Variants in GUCY2D observed in about 807,000 individuals in gnomAD.
GUCY2D encodes guanylate cyclase 2D, retinal, also known as retinal guanylyl cyclase 1.
Under a neutral mutation model 101.3 loss-of-function variants are expected in GUCY2D, and 70 were observed. The ratio of observed to expected loss-of-function variants is 0.69; its 90% CI spans 0.57 to 0.84. GUCY2D has a LOEUF of 0.84. Among genes scored for constraint, GUCY2D ranks in the 40% least tolerant of loss-of-function variants. GUCY2D has a pLI of 0.00. For synonymous variants in GUCY2D, 688 were observed against 670.7 expected, an observed-to-expected ratio of 1.03 and a Z score of -0.40; for missense variants, 1,460 against 1,542.5, an observed-to-expected ratio of 0.95 and a Z score of 0.90.
chr17:8,012,092 C>T, intron 8 of GUCY2D, 52 bp from the exon 9 acceptor site: 1 of 1,281,522 alleles, frequency 7.8e-7, no homozygotes, highest in South Asian at 1.2e-5. Context: ...TTAACAGCCC[C>T]TTCCCCACAT....
At chr17:8,008,988 G>C (rs1306818597) in intron 7 of GUCY2D, among the ~76,000 whole-genome samples, 1 of 152,208 alleles carries the variant, frequency 6.6e-6, no homozygotes, top group Non-Finnish European at 1.5e-5. Context: ...ATGGCAGGAG[G>C]TCATTGAACC....
intron 7 of GUCY2D, among the ~76,000 whole-genome samples, chr17:8,008,372 G>T (rs1467800301): frequency 6.6e-6 from 1 of 152,164 alleles, no homozygotes; most frequent in African/African-American, 2.4e-5. Flanking sequence ...GACCATCTCC[G>T]GCCTGGTCAG....
Position 8,004,129 on chromosome 17 carries a change from G to A in GUCY2D, c.999G>A (p.Glu333=), listed in dbSNP as rs779241028. The A allele has an allele frequency of 6.3e-6, 10 of 1,596,506 alleles. No individual in the cohort carries two copies. The East Asian group carries it at 2.0e-4, about 32-fold the overall frequency. ...DSLRRAQERR[E]LPSDLNLQQV... ...TGCGCAGGGCTCAAGAGCGCCGCGA[G>A]CTGCCCTCTGACCTCAATCTGCAGC... is the stretch of plus-strand genomic sequence containing the variant. Residue 333 remains glutamate (E), a synonymous_variant, in exon 3 of 20, where the codon GAG becomes GAA. Coordinates refer to ENST00000254854, the MANE Select transcript of GUCY2D (RefSeq NM_000180.4).
chr17:8,013,967 T>G lies in GUCY2D; in HGVS notation c.2351T>G (p.Met784Arg), dbSNP rs375010731. The G allele has an allele frequency of 6.2e-7, 1 of 1,613,850 alleles. No individual in the cohort carries two copies. The highest frequency in any genetic ancestry group is 2.2e-5 in the East Asian group (1 of 44,878). The change falls in exon 12 of 20, where the codon ATG (methionine) becomes AGG (arginine). Residue 784 changes from methionine to arginine, a missense_variant. Coordinates refer to ENST00000254854, the MANE Select transcript of GUCY2D (RefSeq NM_000180.4). The surrounding 1 kb of genome is among the most constrained non-coding windows in gnomAD (Gnocchi z 5.0). ...GCACCTGTCGAGTGTATCCTCCTGA[T>G]GAAGCAGTGCTGGGCAGAGCAGCCG... ...DQAPVECILL[M>R]KQCWAEQPEL...
In GUCY2D at chr17:8,013,134, G is replaced by T; in HGVS notation, c.2145G>T (p.Arg715Ser). 6.2e-7 allele frequency: 1 copy of T among 1,613,640 alleles called. No homozygotes were observed. Among genetic ancestry groups the T allele is most frequent in the East Asian group, 2.2e-5 (1 of 44,874 alleles). Residue 715 changes from arginine to serine, a missense_variant, in exon 11 of 20, where the codon AGG (arginine) becomes AGT (serine). This residue lies in a region of GUCY2D where 1,196 missense variants were observed against 1,229.6 expected (regional missense o/e 0.97). Transcript: ENST00000254854. This position sits in a 1 kb window ranked among gnomAD's most constrained non-coding sequence, Gnocchi z 5.0. The part of the protein sequence containing the change: ...DQLWTAPELL[R>S]DPALERRGTL... ...TGTGGACAGCCCCGGAGCTGCTTAG[G>T]GACCCAGCCCTGGAGCGCCGGGGAA...
Position 8,003,303 on chromosome 17 carries a change from C to G in GUCY2D, c.256C>G (p.Arg86Gly). 2.0e-6 allele frequency: 3 copies of G among 1,487,850 alleles called. No individual in the cohort carries two copies. The highest frequency in any genetic ancestry group is 2.7e-6 in the Non-Finnish European group (3 of 1,125,444). 92.2% of individuals were successfully genotyped at this position (1,487,850 alleles called of 1,614,324 possible). A position where few individuals can be genotyped will look rare whatever the true frequency, so the allele number is the denominator to read the frequency against. ...CCGCCTGGCCGCCGCCCGCCTGAAC[C>G]GCGACCCCGGCCTGGCAGGCGGTCC... ...AARLAAARLN[R>G]DPGLAGGPRF... The change falls in exon 2 of 20, where the codon CGC becomes GGC. Residue 86 changes from arginine to glycine, a missense_variant. Physicochemically the swap from Arg to Gly is moderately radical, Grantham distance 125. Transcript: ENST00000254854.
At position 8,003,054 on chromosome 17, in the gene GUCY2D, G is replaced by A; in HGVS notation, c.7G>A (p.Ala3Thr). The change falls in exon 2 of 20, where the codon GCC becomes ACC. Residue 3 changes from alanine to threonine, a missense_variant. Physicochemically the swap from Ala to Thr is moderately conservative, Grantham distance 58. Around this residue, in one of 3 missense-constraint regions of GUCY2D, gnomAD observed 1,196 missense variants for 1,229.6 expected, o/e 0.97. Coordinates refer to ENST00000254854, the MANE Select transcript of GUCY2D (RefSeq NM_000180.4). ...GTGTTCGCAGAAGCCGGCAATGACC[G>A]CCTGCGCCCGCCGAGCGGGTGGGCT... Reference protein sequence around the residue: MTACARRAGGLPD... With the variant: MTTCARRAGGLPD... 1.3e-6 allele frequency: 2 copies of A among 1,525,928 alleles called. No individual in the cohort carries two copies. Among genetic ancestry groups the A allele is most frequent in the Non-Finnish European group, 1.7e-6 (2 of 1,143,056 alleles). 94.5% of individuals were successfully genotyped at this position (1,525,928 alleles called of 1,614,324 possible). A position where few individuals can be genotyped will look rare whatever the true frequency, so the allele number is the denominator to read the frequency against.
At chr17:8,006,736 C>A (rs768813846) in intron 4 of GUCY2D, 22 bp downstream of exon 4, 2 of 1,552,956 alleles carry the variant, frequency 1.3e-6, no homozygotes, top group African/African-American at 2.7e-5. Flanking sequence ...CACCCCAGTC[C>A]CCACTGAGAC....
Position 8,013,364 on chromosome 17 carries a change from C to A in GUCY2D, c.2263+112C>A. Reference sequence around the variant, plus strand: ...AGCCCAGTGATGAAACTCAATTATACGGAGGCCCCCTTAAAGCTGGCATCT... The same window carrying A: ...AGCCCAGTGATGAAACTCAATTATAAGGAGGCCCCCTTAAAGCTGGCATCT... On this transcript the variant is annotated intron_variant, in intron 11 of 19. Transcript: ENST00000254854. The surrounding 1 kb of genome is among the most constrained non-coding windows in gnomAD (Gnocchi z 5.0). 1 of 1,065,328 alleles carries A rather than the reference C, an allele frequency of 9.4e-7. No individual in the cohort carries two copies. The allele number at this position is 1,065,328 out of a possible 1,614,324, so 66.0% of individuals were successfully genotyped here. A position where few individuals can be genotyped will look rare whatever the true frequency, so the allele number is the denominator to read the frequency against.
At chr17:8,009,373 T>A in intron 7 of GUCY2D, 133 bp from the exon 8 acceptor site, 1 of 772,180 alleles carries the variant, frequency 1.3e-6, no homozygotes, top group Non-Finnish European at 2.4e-6. Flanking sequence ...ACCCCTTGGT[T>A]CAATGCATTT....
rs2151803924 is a variant in GUCY2D at position 8,015,937 on chromosome 17, C to A, written c.3054C>A (p.Ile1018=). 2 of 1,611,568 alleles carry A rather than the reference C, an allele frequency of 1.2e-6. No individual in the cohort carries two copies. Among genetic ancestry groups the A allele is most frequent in the Non-Finnish European group, 1.7e-6 (2 of 1,179,054 alleles). Residue 1018 remains isoleucine, a synonymous_variant, in exon 17 of 20, where the codon ATC becomes ATA. Coordinates refer to ENST00000254854, the MANE Select transcript of GUCY2D (RefSeq NM_000180.4). ...CCCCCACCGCCACAGCTTACCGCAT[C>A]CACGTGAACTTGAGCACTGTGGGGA... is the stretch of plus-strand genomic sequence containing the variant. ...RMESTGLPYR[I]HVNLSTVGIL... is the part of the protein sequence containing the mutation.
intron 18 of GUCY2D, 38 bp downstream of exon 18, chr17:8,016,328 G>A: frequency 6.8e-7 from 1 of 1,477,754 alleles, no homozygotes; most frequent in Non-Finnish European, 9.3e-7. Context: ...GAGGGACGAG[G>A]GACCCCTGCC....
In GUCY2D at chr17:8,007,892, A is replaced by G. The variant is rs769024262; in HGVS notation, c.1567-39A>G. On this transcript the variant is annotated intron_variant, in intron 6 of 19. Coordinates refer to ENST00000254854, the MANE Select transcript of GUCY2D (RefSeq NM_000180.4). Reference sequence around the variant, plus strand: ...CCTCAACCCAGGACTCTGACACCAGAATATATTTTGACCTCTTGCATTGAC... The same window carrying G: ...CCTCAACCCAGGACTCTGACACCAGGATATATTTTGACCTCTTGCATTGAC... 3.4e-5 allele frequency: 44 copies of G among 1,280,288 alleles called. No individual in the cohort carries two copies. The Middle Eastern group carries it at 5.5e-4, about 16-fold the overall frequency. 79.3% of individuals were successfully genotyped at this position (1,280,288 alleles called of 1,614,324 possible). A position where few individuals can be genotyped will look rare whatever the true frequency, so the allele number is the denominator to read the frequency against.
intron 17 of GUCY2D, 68 bp from the exon 18 acceptor site, chr17:8,016,137 G>A: frequency 2.3e-6 from 3 of 1,332,042 alleles, no homozygotes; most frequent in Non-Finnish European, 3.2e-6. Context: ...CCAGTTCCAC[G>A]CAGACTCGAG....
rs765079532 is a variant in GUCY2D, at chr17:8,014,597, C to G, written c.2413-4C>G. On this transcript the variant is annotated splice_polypyrimidine_tract_variant and splice_region_variant and intron_variant, in intron 12 of 19. Transcript: ENST00000254854. This position sits in a 1 kb window ranked among gnomAD's most constrained non-coding sequence, Gnocchi z 4.0. ...CAGCTTTACCAGCTTCCTTCTACTGCTAGTTCAAGAACATCAACAAGGGCC... is the reference window on the plus strand; with the variant it reads ...CAGCTTTACCAGCTTCCTTCTACTGGTAGTTCAAGAACATCAACAAGGGCC... The G allele has an allele frequency of 6.2e-7, 1 of 1,613,998 alleles. No homozygotes were observed. Among genetic ancestry groups the G allele is most frequent in the South Asian group, 1.1e-5 (1 of 91,082 alleles).
At chr17:8,004,912 G>C (rs1352385493) in intron 3 of GUCY2D, among the ~76,000 whole-genome samples, 2 of 152,144 alleles carry the variant, frequency 1.3e-5, no homozygotes, top group Non-Finnish European at 2.9e-5. Flanking sequence ...GTCCAATGGA[G>C]GGGGGAGGGG....
chr17:8,019,254 T>G (rs1598153247), intron 19 of GUCY2D, among the ~76,000 whole-genome samples: 3 of 152,050 alleles, frequency 2.0e-5, no homozygotes, highest in Non-Finnish European at 2.9e-5. Flanking sequence ...TCCCCTTCCT[T>G]CCCTCTCTCC....
rs544905777 is a variant in GUCY2D, at chr17:8,003,454, C to T, written c.407C>T (p.Ala136Val). Reference sequence around the variant, plus strand: ...GTGAACCCTGCGGCCTGCCGGCCAGCCGAGCTGCTCGCCGAAGAAGCCGGG... The same window carrying T: ...GTGAACCCTGCGGCCTGCCGGCCAGTCGAGCTGCTCGCCGAAGAAGCCGGG... ...GPVNPAACRP[A>V]ELLAEEAGIA... Residue 136 changes from alanine to valine, a missense_variant, in exon 2 of 20, where the codon GCC (alanine) becomes GTC (valine). Ala to Val is a moderately conservative substitution (Grantham distance 64, BLOSUM62 0). This residue lies in a region of GUCY2D where 1,196 missense variants were observed against 1,229.6 expected (regional missense o/e 0.97). Transcript: ENST00000254854. The T allele has an allele frequency of 1.3e-6, 2 of 1,520,608 alleles. No homozygotes were observed. The highest frequency in any genetic ancestry group is 2.8e-5 in the African/African-American group (2 of 70,806). 94.2% of individuals were successfully genotyped at this position (1,520,608 alleles called of 1,614,324 possible).
rs1975866975 is a variant in GUCY2D, at chr17:8,012,285, C to T, written c.1891C>T (p.Leu631Phe). Residue 631 changes from leucine (L) to phenylalanine (F), a missense_variant, in exon 9 of 20, where the codon CTC (leucine) becomes TTC (phenylalanine). Transcript: ENST00000254854. The part of the protein sequence containing the change: ...HCTRGSLQDL[L>F]AQREIKLDWM... ...CACGCGGGGCTCTCTTCAGGACCTC[C>T]TCGCTCAGAGAGAAATAAAGCTGGA... 1 of 1,613,894 alleles carries T rather than the reference C, an allele frequency of 6.2e-7. No individual in the cohort carries two copies. The highest frequency in any genetic ancestry group is 1.3e-5 in the African/African-American group (1 of 74,882).
Sources: allele counts gnomAD v4.1 joint callset (sites outside exome capture counted in the v4.1 genomes callset), GRCh38; gene constraint gnomAD v4.1.1; regional missense constraint gnomAD v4.1.1; non-coding constraint Gnocchi (gnomAD v3.1); transcripts MANE v1.5; gene names NCBI Gene and HGNC (gene_info 2026-07-23, HGNC 2026-07-21).